Variants in PLEKHA8 observed in about 807,000 individuals in gnomAD.
PLEKHA8 encodes pleckstrin homology domain-containing family A member 8.
A neutral mutation model predicts 68.2 loss-of-function variants in PLEKHA8; 36 were observed. The observed-to-expected ratio is 0.53, with a 90% CI of 0.40 to 0.70. The LOEUF is 0.70. Ranked by LOEUF, PLEKHA8 falls within the 30% of genes least tolerant of loss-of-function variation. The probability of loss-of-function intolerance (pLI) is 0.00; values close to 1 mark genes in which losing one functional copy is unlikely to be tolerated. For synonymous variants in PLEKHA8, 211 were observed against 216.1 expected, an observed-to-expected ratio of 0.98 and a Z score of 0.20; for missense variants, 505 against 615.4, an observed-to-expected ratio of 0.82 and a Z score of 1.90.
At chr7:30,129,149 A>G in intron 13 of PLEKHA8, 1 of 1,445,956 alleles carries the variant, frequency 6.9e-7, no homozygotes, top group Admixed American at 1.7e-5. Context: ...ACCTTGCTGA[A>G]AAACTACTGA....
intron 13 of PLEKHA8, among the ~76,000 whole-genome samples, chr7:30,105,687 G>T (rs975529689): frequency 1.3e-5 from 2 of 152,176 alleles, no homozygotes; most frequent in Non-Finnish European, 2.9e-5. Context: ...GCTAAAAGGG[G>T]TAGGCAGGGG....
rs774043344 is a variant in PLEKHA8 at position 30,079,898 on chromosome 7, C to CT, written c.*1124dup. 44,199 of 609,666 alleles carry CT rather than the reference C, an allele frequency of 0.072. No homozygotes were observed. The highest frequency in any genetic ancestry group is 0.081 in the Non-Finnish European group (40,133 of 492,524). 37.8% of individuals were successfully genotyped at this position (609,666 alleles called of 1,614,324 possible). A position where few individuals can be genotyped will look rare whatever the true frequency, so the allele number is the denominator to read the frequency against. ...TTCTTCAAGAACTAAATGATATGTC[C>CT]TTTTTTTTTTTTTCAAAGAGGATAA... On this transcript the variant is annotated 3_prime_UTR_variant, in exon 14 of 14. Coordinates refer to ENST00000449726, the MANE Select transcript of PLEKHA8 (RefSeq NM_001197026.2).
intron 12 of PLEKHA8, among the ~76,000 whole-genome samples, chr7:30,071,622 T>G (rs536167345): frequency 3.1e-4 from 47 of 152,360 alleles, no homozygotes; most frequent in African/African-American, 1.1e-3. Context: ...TTGACTGAAT[T>G]TAAATCACCT....
Position 30,083,238 on chromosome 7 carries a change from T to C in PLEKHA8, c.*4451T>C. ...AATTTGTATTCTTATGGATTGTATA[T>C]AGAATGCTTTCGTTAGAAGTACATT... On this transcript the variant is annotated 3_prime_UTR_variant, in exon 14 of 14. Coordinates refer to ENST00000449726, the MANE Select transcript of PLEKHA8 (RefSeq NM_001197026.2). The C allele has an allele frequency of 4.1e-6, 4 of 982,382 alleles. No homozygotes were observed. Among genetic ancestry groups the C allele is most frequent in the Non-Finnish European group, 3.6e-6 (3 of 827,142 alleles). The allele number at this position is 982,382 out of a possible 1,614,324, so 60.9% of individuals were successfully genotyped here. A position where few individuals can be genotyped will look rare whatever the true frequency, so the allele number is the denominator to read the frequency against.
At chr7:30,034,071 C>T (rs1402688071) in intron 1 of PLEKHA8, among the ~76,000 whole-genome samples, 1 of 109,470 alleles carries the variant, frequency 9.1e-6, no homozygotes, top group African/African-American at 3.6e-5. Context: ...GTCACCCAGG[C>T]TGGAGTGCAG....
At chr7:30,072,742 T>C (rs941443230) in intron 12 of PLEKHA8, among the ~76,000 whole-genome samples, 2 of 152,258 alleles carry the variant, frequency 1.3e-5, no homozygotes, top group African/African-American at 4.8e-5. Flanking sequence ...GTAGTACTTG[T>C]GCTGGTGCTA....
chr7:30,065,849 C>G (rs927035304), intron 12 of PLEKHA8, among the ~76,000 whole-genome samples: 1 of 152,164 alleles, frequency 6.6e-6, no homozygotes, highest in African/African-American at 2.4e-5. Context: ...AAATCTCCAT[C>G]GGTGGTTCTC....
At chr7:30,098,679 A>C (rs984315233) in intron 13 of PLEKHA8, among the ~76,000 whole-genome samples, 7 of 152,226 alleles carry the variant, frequency 4.6e-5, no homozygotes, top group African/African-American at 1.7e-4. Context: ...AACCCGTTGG[A>C]AAAGCGCAGT....
intron 11 of PLEKHA8, 67 bp from the exon 12 acceptor site, chr7:30,062,605 A>T (rs1265089235): frequency 8.4e-7 from 1 of 1,188,372 alleles, no homozygotes. Context: ...GATGTCTGCC[A>T]TTTCTTTATA....
chr7:30,033,605 G>A (rs1356218756), intron 1 of PLEKHA8, among the ~76,000 whole-genome samples: 1 of 152,090 alleles, frequency 6.6e-6, no homozygotes, highest in African/African-American at 2.4e-5. Context: ...ACACTGCTGT[G>A]AACACTCATG....
downstream of PLEKHA8, among the ~76,000 whole-genome samples, chr7:30,093,567 AGT>A (rs1795496830): frequency 6.6e-6 from 1 of 152,212 alleles, no homozygotes. Context: ...TGAGCATGTT[AGT>A]TAACATCTCT....
chr7:30,104,348 A>G (rs1795982413), intron 13 of PLEKHA8, among the ~76,000 whole-genome samples: 1 of 152,224 alleles, frequency 6.6e-6, no homozygotes, highest in Non-Finnish European at 1.5e-5. Context: ...GACTTTTTCC[A>G]TAATAGCCCC....
chr7:30,056,354 A>T (rs1013362434), intron 9 of PLEKHA8, among the ~76,000 whole-genome samples: 2 of 130,102 alleles, frequency 1.5e-5, no homozygotes, highest in South Asian at 4.7e-4. Context: ...TATAATATAT[A>T]TAACACATAT....
chr7:30,115,641 C>G (rs116473773), intron 13 of PLEKHA8, among the ~76,000 whole-genome samples: 2,456 of 151,720 alleles, frequency 0.016, 61 homozygotes, highest in African/African-American at 0.056. Context: ...CACATACATG[C>G]ACACATGTAC....
intron 1 of PLEKHA8, among the ~76,000 whole-genome samples, chr7:30,044,416 C>T (rs1385421662): frequency 2.6e-5 from 4 of 152,126 alleles, no homozygotes; most frequent in African/African-American, 4.8e-5. Context: ...AGATAAGATG[C>T]GTATTTCTAC....
At chr7:30,085,411 A>G (rs750422707), downstream of PLEKHA8, among the ~76,000 whole-genome samples, 3 of 152,192 alleles carry the variant, frequency 2.0e-5, no homozygotes, top group Non-Finnish European at 2.9e-5. Context: ...TTTCAGAGAC[A>G]CTAGATGTAG....
downstream of PLEKHA8, among the ~76,000 whole-genome samples, chr7:30,091,771 C>T (rs189162867): frequency 3.9e-4 from 60 of 152,264 alleles, 1 homozygote; most frequent in Admixed American, 1.6e-3. Flanking sequence ...TGCAGTTCAC[C>T]GAAGGAGCTG....
chr7:30,087,885 T>C (rs894513341), downstream of PLEKHA8, among the ~76,000 whole-genome samples: 1 of 152,202 alleles, frequency 6.6e-6, no homozygotes, highest in African/African-American at 2.4e-5. Flanking sequence ...GGATGGGAAG[T>C]GTGACTCCAA....
chr7:30,070,315 A>G lies in PLEKHA8; in HGVS notation c.1301-3756A>G, dbSNP rs192532782. 6.6e-5 allele frequency among the ~76,000 whole-genome samples: 10 copies of G among 152,198 alleles called. No individual in the cohort carries two copies. The East Asian group carries it at 1.9e-3, about 29-fold the overall frequency. On this transcript the variant is annotated intron_variant, in intron 12 of 13. Coordinates refer to ENST00000449726, the MANE Select transcript of PLEKHA8 (RefSeq NM_001197026.2). ...ATAACAAGGAACAGCTTCTTTGTCTACTAGGGCCAAGTGGGAAGACAGATG... is the reference window on the plus strand; with the variant it reads ...ATAACAAGGAACAGCTTCTTTGTCTGCTAGGGCCAAGTGGGAAGACAGATG...
Sources: allele counts gnomAD v4.1 joint callset (sites outside exome capture counted in the v4.1 genomes callset), GRCh38; gene constraint gnomAD v4.1.1; transcripts MANE v1.5; gene names NCBI Gene and HGNC (gene_info 2026-07-23, HGNC 2026-07-21).